TNRC6B: variants seen among roughly 807,000 people sequenced by gnomAD.
TNRC6B encodes the protein trinucleotide repeat containing adaptor 6B.
Under a neutral mutation model 203.6 loss-of-function variants are expected in TNRC6B, and 52 were observed. The observed-to-expected ratio is 0.26, with a 90% CI of 0.20 to 0.32. The LOEUF is 0.32. Ranked by LOEUF, TNRC6B falls within the 10% of genes least tolerant of loss-of-function variation. TNRC6B has a pLI of 1.00. For missense variants in TNRC6B, 1,923 were observed against 2,286.2 expected (o/e 0.84, Z 3.24); for synonymous variants, 838 against 845.7 (o/e 0.99, Z 0.16).
At chr22:40,229,793 A>G (rs1035385926) in intron 1 of TNRC6B, among the ~76,000 whole-genome samples, 1 of 152,160 alleles carries the variant, frequency 6.6e-6, no homozygotes, top group African/African-American at 2.4e-5. Flanking sequence ...ACAATAGTCC[A>G]TTATTTTTAT....
At chr22:40,101,947 T>C (rs189305225) in intron 1 of TNRC6B, among the ~76,000 whole-genome samples, 1 of 152,186 alleles carries the variant, frequency 6.6e-6, no homozygotes, top group African/African-American at 2.4e-5. Flanking sequence ...CCAAATACTT[T>C]CATGGCCGAG....
chr22:40,307,529 T>G (rs2071104123), intron 15 of TNRC6B, among the ~76,000 whole-genome samples: 1 of 152,156 alleles, frequency 6.6e-6, no homozygotes, highest in South Asian at 2.1e-4. Context: ...GTCACACACA[T>G]TCTGACCCAA....
rs372410998 is a variant in TNRC6B, at chr22:40,266,643, G to T, written c.2413G>T (p.Ala805Ser). The T allele has an allele frequency of 3.1e-6, 5 of 1,612,306 alleles. No individual in the cohort carries two copies. The African/African-American group carries it at 6.7e-5, about 21-fold the overall frequency. Residue 805 changes from alanine (A) to serine (S), a missense_variant, in exon 5 of 23, where the codon GCA becomes TCA. Coordinates refer to ENST00000454349, the MANE Select transcript of TNRC6B (RefSeq NM_001162501.2). ...GGWEDCKRSPAWNETGRQPNS... is the reference protein window; with the variant it reads ...GGWEDCKRSPSWNETGRQPNS... ...GTGGGAGGATTGCAAAAGATCCCCA[G>T]CATGGAATGAGACGGGCCGACAGCC...
rs1200988367 is a variant in TNRC6B, at chr22:40,331,968, A to C, written c.*8727A>C. The stretch of plus-strand genomic sequence containing the variant: ...TTCCAGGGGGCCTGCAGTTCCTGTC[A>C]ACCAATGTGGTTCAGGATTCTTGAT... On this transcript the variant is annotated 3_prime_UTR_variant, in exon 23 of 23. Coordinates refer to ENST00000454349, the MANE Select transcript of TNRC6B (RefSeq NM_001162501.2). The C allele has an allele frequency of 1.6e-5, 4 of 244,148 alleles. No homozygotes were observed. Among genetic ancestry groups the C allele is most frequent in the African/African-American group, 6.6e-5 (3 of 45,328 alleles). 15.1% of individuals were successfully genotyped at this position (244,148 alleles called of 1,614,324 possible).
intron 1 of TNRC6B, among the ~76,000 whole-genome samples, chr22:40,211,501 C>T (rs959375978): frequency 2.6e-5 from 4 of 152,118 alleles, no homozygotes; most frequent in African/African-American, 9.7e-5. Flanking sequence ...TGGTGCTTTA[C>T]GTATATCATT....
intron 1 of TNRC6B, among the ~76,000 whole-genome samples, chr22:40,193,182 C>T (rs755748653): frequency 2.0e-5 from 3 of 152,130 alleles, no homozygotes; most frequent in Admixed American, 6.5e-5. Flanking sequence ...CTTGTTGTCG[C>T]GTGGCAAAGT....
chr22:40,229,030 G>A (rs2069830933), intron 1 of TNRC6B, among the ~76,000 whole-genome samples: 1 of 152,156 alleles, frequency 6.6e-6, no homozygotes, highest in Admixed American at 6.5e-5. Context: ...GTCCTTTGAA[G>A]TCAAGCAAAA....
intron 1 of TNRC6B, among the ~76,000 whole-genome samples, chr22:40,052,442 G>GTTTTTT (rs2067755541): frequency 1.7e-5 from 1 of 60,168 alleles, no homozygotes; most frequent in African/African-American, 6.9e-5. Context: ...GCTGTGTATT[G>GTTTTTT]TATTTTTTTT....
chr22:40,094,775 T>C (rs1201587575), intron 1 of TNRC6B, among the ~76,000 whole-genome samples: 1 of 152,256 alleles, frequency 6.6e-6, no homozygotes, highest in Non-Finnish European at 1.5e-5. Flanking sequence ...AACAGAAGTT[T>C]AATATGCAGC....
chr22:40,173,741 G>A (rs1462219206), upstream of TNRC6B, among the ~76,000 whole-genome samples: 1 of 123,104 alleles, frequency 8.1e-6, no homozygotes, highest in African/African-American at 3.2e-5. Context: ...ATTCATTTTT[G>A]GGGTTTATTA....
At chr22:40,061,619 C>CT (rs138671314) in intron 1 of TNRC6B, among the ~76,000 whole-genome samples, 40,623 of 151,186 alleles carry the variant, frequency 0.27, 6,339 homozygotes, top group African/African-American at 0.43. Flanking sequence ...TATTTTTCTT[C>CT]TTTTTCTGCC....
At chr22:40,050,856 G>C (rs1275274818) in intron 1 of TNRC6B, among the ~76,000 whole-genome samples, 2 of 149,000 alleles carry the variant, frequency 1.3e-5, no homozygotes, top group Non-Finnish European at 3.0e-5. Context: ...ACAGAGTCTC[G>C]CTCTGTTGCC....
chr22:40,110,467 CCCTGCCTCTA>C (rs2068322865), intron 1 of TNRC6B, among the ~76,000 whole-genome samples: 1 of 152,218 alleles, frequency 6.6e-6, no homozygotes, highest in Admixed American at 6.5e-5. Flanking sequence ...TCCCTACCAT[CCCTGCCTCTA>C]CCTGTAAGTG....
chr22:40,147,811 A>G (rs1182704480), intron 3 of TNRC6B, among the ~76,000 whole-genome samples: 1 of 152,196 alleles, frequency 6.6e-6, no homozygotes, highest in East Asian at 1.9e-4. Context: ...ATGAGAAGTC[A>G]AAAGAGGCAA....
At chr22:40,054,942 C>G (rs1173806664) in intron 1 of TNRC6B, among the ~76,000 whole-genome samples, 2 of 151,788 alleles carry the variant, frequency 1.3e-5, no homozygotes, top group African/African-American at 2.4e-5. Context: ...GAGGCTGATA[C>G]AGGAAGGTTG....
intron 1 of TNRC6B, among the ~76,000 whole-genome samples, chr22:40,111,960 GTGCGGT>G (rs1033698806): frequency 1.3e-5 from 2 of 152,194 alleles, no homozygotes; most frequent in African/African-American, 4.8e-5. Flanking sequence ...AATTAGCTGA[GTGCGGT>G]GGCAGGCGCC....
At chr22:40,258,071 C>CTTTTTTTTTTTTTT (rs56078653) in intron 3 of TNRC6B, among the ~76,000 whole-genome samples, 510 of 28,708 alleles carry the variant, frequency 0.018, 69 homozygotes, top group East Asian at 0.051. Context: ...GATACACAGC[C>CTTTTTTTTTTTTTT]TTTTTTTTTT....
At chr22:40,258,717 T>G (rs1200357985) in intron 3 of TNRC6B, among the ~76,000 whole-genome samples, 1 of 152,222 alleles carries the variant, frequency 6.6e-6, no homozygotes, top group Non-Finnish European at 1.5e-5. Flanking sequence ...CATTTTATAA[T>G]GACTTTATCA....
At chr22:40,248,688 A>G (rs973441100) in intron 2 of TNRC6B, among the ~76,000 whole-genome samples, 1 of 152,222 alleles carries the variant, frequency 6.6e-6, no homozygotes, top group Non-Finnish European at 1.5e-5. Flanking sequence ...ATGTGCCTTC[A>G]TCTGCATTAA....
Sources: allele counts gnomAD v4.1 joint callset (sites outside exome capture counted in the v4.1 genomes callset), GRCh38; gene constraint gnomAD v4.1.1; transcripts MANE v1.5; gene names NCBI Gene and HGNC (gene_info 2026-07-23, HGNC 2026-07-21).